PDE3A: variants seen among roughly 807,000 people sequenced by gnomAD.
PDE3A encodes phosphodiesterase 3A.
PDE3A carries 43 observed loss-of-function variants against 98.3 expected under a neutral mutation model. That is an observed-to-expected ratio of 0.44 (90% CI 0.34 to 0.56). The LOEUF (loss-of-function observed/expected upper bound fraction) is 0.56, where lower values mean the gene tolerates loss of function less well. Ranked by LOEUF, PDE3A falls within the 20% of genes least tolerant of loss-of-function variation. PDE3A has a pLI of 0.01. For synonymous variants in PDE3A, 663 were observed against 567.9 expected (o/e 1.17, Z -2.38); for missense variants, 1,427 against 1,440.7 (o/e 0.99, Z 0.15).
chr12:20,535,720 T>C (rs1941731716), intron 1 of PDE3A, among the ~76,000 whole-genome samples: 1 of 152,282 alleles, frequency 6.6e-6, no homozygotes, highest in East Asian at 1.9e-4. Flanking sequence ...GTCTTCGTTG[T>C]ACAGGCAGCA....
At chr12:20,600,546 A>G (rs1210689468) in intron 2 of PDE3A, among the ~76,000 whole-genome samples, 1 of 152,144 alleles carries the variant, frequency 6.6e-6, no homozygotes, top group East Asian at 1.9e-4. Flanking sequence ...TTGTCTTCAA[A>G]AGGCCATTCT....
chr12:20,631,942 G>A (rs1175931276), intron 6 of PDE3A, among the ~76,000 whole-genome samples: 1 of 58,670 alleles, frequency 1.7e-5, no homozygotes, highest in South Asian at 8.6e-4. Flanking sequence ...TAATTGTTGT[G>A]GTTTCCCCCT....
At chr12:20,378,785 T>C (rs1397042903) in intron 1 of PDE3A, among the ~76,000 whole-genome samples, 1 of 151,720 alleles carries the variant, frequency 6.6e-6, no homozygotes. Context: ...ATTTTGAAGT[T>C]GATTTAAATT....
At chr12:20,519,040 AC>A (rs1946374499) in intron 1 of PDE3A, among the ~76,000 whole-genome samples, 1 of 133,716 alleles carries the variant, frequency 7.5e-6, no homozygotes, top group Non-Finnish European at 1.7e-5. Flanking sequence ...GGTTTTCATA[AC>A]TTTAGGGGTA....
chr12:20,609,958 G>A (rs1457037446), intron 2 of PDE3A, among the ~76,000 whole-genome samples: 2 of 151,818 alleles, frequency 1.3e-5, no homozygotes, highest in South Asian at 2.1e-4. Context: ...AAGAGAACAT[G>A]GGGGAAAGCT....
intron 1 of PDE3A, among the ~76,000 whole-genome samples, chr12:20,412,616 A>G (rs914745142): frequency 1.3e-5 from 2 of 152,326 alleles, no homozygotes; most frequent in African/African-American, 4.8e-5. Context: ...GTTATGGCAC[A>G]TGAGATGCTC....
At chr12:20,516,419 A>G (rs1946324701) in intron 1 of PDE3A, among the ~76,000 whole-genome samples, 1 of 152,200 alleles carries the variant, frequency 6.6e-6, no homozygotes, top group Admixed American at 6.5e-5. Flanking sequence ...TAGTGAAACA[A>G]TCCTGTAATT....
rs560580276 is a variant in PDE3A at position 20,455,213 on chromosome 12, G to A, written c.960+84969G>A. On this transcript the variant is annotated intron_variant, in intron 1 of 15. Coordinates refer to ENST00000359062, the MANE Select transcript of PDE3A (RefSeq NM_000921.5). The stretch of plus-strand genomic sequence containing the variant: ...TTGATTTGCATTTCTCTAATGCTCA[G>A]TCATGTTGAGCTTTTTTTCATACGC... 3.3e-5 allele frequency among the ~76,000 whole-genome samples: 5 copies of A among 152,276 alleles called. 1 individual carries two copies. Among genetic ancestry groups the A allele is most frequent in the African/African-American group, 9.6e-5 (4 of 41,556 alleles).
At chr12:20,542,436 TACACACACACACACACACAC>T (rs57427303) in intron 1 of PDE3A, among the ~76,000 whole-genome samples, 78,278 of 149,900 alleles carry the variant, frequency 0.52, 21,262 homozygotes, top group South Asian at 0.66. Flanking sequence ...CGTAACAGCA[TACACACACACACACACACAC>T]ACACACACAC....
chr12:20,462,526 G>C (rs868632709), intron 1 of PDE3A, among the ~76,000 whole-genome samples: 2 of 152,004 alleles, frequency 1.3e-5, no homozygotes, highest in African/African-American at 4.8e-5. Flanking sequence ...TTTTTTGGTT[G>C]TTTGTGAAGA....
intron 1 of PDE3A, among the ~76,000 whole-genome samples, chr12:20,548,383 C>T (rs1246378999): frequency 6.6e-6 from 1 of 151,984 alleles, no homozygotes; most frequent in Non-Finnish European, 1.5e-5. Flanking sequence ...AATGTCATTA[C>T]CCAGAGGAGT....
chr12:20,601,996 G>C (rs7974916), intron 2 of PDE3A, among the ~76,000 whole-genome samples: 17,310 of 152,100 alleles, frequency 0.11, 1,008 homozygotes, highest in East Asian at 0.17. Flanking sequence ...TTCTGAGTTC[G>C]TACTTATTTC....
At chr12:20,608,929 G>A (rs73080739) in intron 2 of PDE3A, among the ~76,000 whole-genome samples, 14,761 of 151,926 alleles carry the variant, frequency 0.097, 916 homozygotes, top group East Asian at 0.23. Context: ...TTTCAAATTT[G>A]TATGGAAACA....
At chr12:20,659,044 A>C (rs1945101731) in intron 15 of PDE3A, among the ~76,000 whole-genome samples, 1 of 152,112 alleles carries the variant, frequency 6.6e-6, no homozygotes, top group African/African-American at 2.4e-5. Context: ...TTACAGAGAG[A>C]CTGTAAACTC....
intron 1 of PDE3A, among the ~76,000 whole-genome samples, chr12:20,531,070 C>A (rs2121186575): frequency 6.6e-6 from 1 of 152,286 alleles, no homozygotes; most frequent in South Asian, 2.1e-4. Context: ...TTCCCCCTAT[C>A]AGGACATAGT....
rs1358261220 is a variant in PDE3A at position 20,686,546 on chromosome 12, G to A, written c.*6275G>A. ...AATAAAAAATTAATAACAAAACTTTGTAAGCCTTAATGGTTTAATATTTCC... is the reference window on the plus strand; with the variant it reads ...AATAAAAAATTAATAACAAAACTTTATAAGCCTTAATGGTTTAATATTTCC... On this transcript the variant is annotated 3_prime_UTR_variant, in exon 16 of 16. Transcript: ENST00000359062. Among the ~76,000 whole-genome samples, 1 of 152,040 alleles carries A rather than the reference G, an allele frequency of 6.6e-6. No homozygotes were observed. The highest frequency in any genetic ancestry group is 1.5e-5 in the Non-Finnish European group (1 of 67,968).
At chr12:20,452,824 C>A (rs1236336218) in intron 1 of PDE3A, among the ~76,000 whole-genome samples, 1 of 152,206 alleles carries the variant, frequency 6.6e-6, no homozygotes, top group Non-Finnish European at 1.5e-5. Context: ...AGCCCCCTGA[C>A]ACTGAATGGC....
chr12:20,445,772 A>T (rs1292165097), intron 1 of PDE3A, among the ~76,000 whole-genome samples: 1 of 152,266 alleles, frequency 6.6e-6, no homozygotes, highest in Admixed American at 6.5e-5. Flanking sequence ...ATATAGAGCC[A>T]TTGCCCTGTA....
At chr12:20,496,379 G>C (rs941740608) in intron 1 of PDE3A, among the ~76,000 whole-genome samples, 1 of 152,096 alleles carries the variant, frequency 6.6e-6, no homozygotes, top group Non-Finnish European at 1.5e-5. Flanking sequence ...TTACCATTAT[G>C]CTCCTTAGAA....
Sources: gnomAD v4.1 joint callset for allele counts (sites outside exome capture counted in the v4.1 genomes callset) on GRCh38, gnomAD v4.1.1 for gene constraint, MANE v1.5 for transcripts, NCBI Gene and HGNC (gene_info 2026-07-23, HGNC 2026-07-21) for gene names.